The following DACH1 variants were observed in gnomAD, a reference collection of about 807,000 sequenced individuals.
DACH1 encodes dachshund family transcription factor 1.
In DACH1, 12 loss-of-function variants were observed where a neutral mutation model predicts 54.2. The ratio of observed to expected loss-of-function variants is 0.22; its 90% confidence interval spans 0.14 to 0.36. The LOEUF is 0.36. DACH1 is among the 10% of genes least tolerant of loss of function. The pLI is 1.00. For synonymous variants in DACH1, 386 were observed against 366.2 expected, an observed-to-expected ratio of 1.05 and a Z score of -0.62; for missense variants, 805 against 929.8, an observed-to-expected ratio of 0.87 and a Z score of 1.75.
At chr13:71,466,290 T>G (rs866777936) in intron 10 of DACH1, among the ~76,000 whole-genome samples, 3 of 152,192 alleles carry the variant, frequency 2.0e-5, no homozygotes, top group Non-Finnish European at 4.4e-5. Flanking sequence ...AGATACTATT[T>G]AAGCCCAACC....
At chr13:71,704,412 TA>T in intron 1 of DACH1, 2 of 398,676 alleles carry the variant, frequency 5.0e-6, no homozygotes, top group East Asian at 6.3e-5. Flanking sequence ...TTAAACAAGT[TA>T]AGGGCAAGCT....
At chr13:71,713,852 A>G (rs774174460) in intron 1 of DACH1, among the ~76,000 whole-genome samples, 1 of 152,108 alleles carries the variant, frequency 6.6e-6, no homozygotes, top group Non-Finnish European at 1.5e-5. Flanking sequence ...CAGAAAAATT[A>G]GACAAATATA....
At chr13:71,829,586 T>G (rs1048621759) in intron 1 of DACH1, among the ~76,000 whole-genome samples, 4 of 151,952 alleles carry the variant, frequency 2.6e-5, no homozygotes. Context: ...TGCTCATCCA[T>G]TATCTCCAAG....
intron 3 of DACH1, among the ~76,000 whole-genome samples, chr13:71,622,290 T>C (rs1876304521): frequency 6.6e-6 from 1 of 151,990 alleles, no homozygotes; most frequent in African/African-American, 2.4e-5. Flanking sequence ...GTTATAAGCT[T>C]GTGTGCACAC....
intron 3 of DACH1, among the ~76,000 whole-genome samples, chr13:71,610,545 GACATACATATGCACAT>G (rs1875247484): frequency 6.6e-6 from 1 of 152,040 alleles, no homozygotes; most frequent in South Asian, 2.1e-4. Context: ...AAATCACAGA[GACATACATATGCACAT>G]ACATAGGCAC....
rs151098281 is a variant in DACH1, at chr13:71,660,438, G to A, written c.964+21357C>T. The stretch of plus-strand genomic sequence containing the variant: ...AAAATATGTTTGGTAATAACTTTAG[G>A]GTTATAATACAACACAAAATCATTC... On this transcript the variant is annotated intron_variant, in intron 2 of 10. Transcript: ENST00000613252. Among the ~76,000 whole-genome samples, 739 of 151,814 alleles carry A rather than the reference G, an allele frequency of 4.9e-3. 4 individuals carry two copies. Among genetic ancestry groups the A allele is most frequent in the Non-Finnish European group, 7.6e-3 (513 of 67,878 alleles).
chr13:71,444,179 T>G (rs1010801526), intron 10 of DACH1, among the ~76,000 whole-genome samples: 1 of 152,178 alleles, frequency 6.6e-6, no homozygotes, highest in Non-Finnish European at 1.5e-5. Context: ...TGGACTGTTC[T>G]AAAGATAATT....
intron 1 of DACH1, among the ~76,000 whole-genome samples, chr13:71,841,366 G>A (rs1427588468): frequency 1.3e-5 from 2 of 151,874 alleles, no homozygotes; most frequent in African/African-American, 4.8e-5. Context: ...GGGAGAGCGG[G>A]GAGGGAGGAG....
intron 7 of DACH1, among the ~76,000 whole-genome samples, chr13:71,488,378 T>C (rs548069464): frequency 2.7e-4 from 41 of 152,308 alleles, no homozygotes; most frequent in African/African-American, 9.6e-4. Context: ...CCACACTCTA[T>C]GTTATTGTTA....
chr13:71,751,592 G>A (rs1240424525), intron 1 of DACH1, among the ~76,000 whole-genome samples: 1 of 152,120 alleles, frequency 6.6e-6, no homozygotes, highest in Non-Finnish European at 1.5e-5. Flanking sequence ...CCTCTAGCAT[G>A]TCCTGATGTA....
intron 1 of DACH1, among the ~76,000 whole-genome samples, chr13:71,734,861 T>C (rs1883932717): frequency 6.8e-6 from 1 of 147,084 alleles, no homozygotes. Context: ...ATATCCCATA[T>C]ACGTATACCC....
intron 6 of DACH1, among the ~76,000 whole-genome samples, chr13:71,504,386 T>C (rs565839081): frequency 1.5e-3 from 229 of 152,328 alleles, no homozygotes; most frequent in South Asian, 0.012. Flanking sequence ...TTGTATTCTA[T>C]ATGTGTAATA....
intron 2 of DACH1, among the ~76,000 whole-genome samples, chr13:71,640,295 A>G (rs544131919): frequency 3.3e-5 from 5 of 152,172 alleles, no homozygotes; most frequent in African/African-American, 1.2e-4. Flanking sequence ...GACTCCACTT[A>G]GAAATCTGAT....
intron 3 of DACH1, among the ~76,000 whole-genome samples, chr13:71,604,853 A>G (rs192772383): frequency 9.9e-5 from 15 of 152,034 alleles, no homozygotes; most frequent in South Asian, 8.3e-4. Context: ...TCTCTCTTGC[A>G]TATCAGTAAT....
At chr13:71,828,151 T>C (rs933281388) in intron 1 of DACH1, among the ~76,000 whole-genome samples, 31 of 152,132 alleles carry the variant, frequency 2.0e-4, no homozygotes, top group Middle Eastern at 3.4e-3. Context: ...AAGATTTATA[T>C]ATAAATTAGC....
chr13:71,637,238 C>T (rs2138586770), intron 2 of DACH1, among the ~76,000 whole-genome samples: 1 of 152,202 alleles, frequency 6.6e-6, no homozygotes, highest in East Asian at 1.9e-4. Context: ...AGAGGGATAA[C>T]AATTCTGACC....
chr13:71,850,110 G>A (rs2138261621), intron 1 of DACH1, among the ~76,000 whole-genome samples: 1 of 152,270 alleles, frequency 6.6e-6, no homozygotes, highest in South Asian at 2.1e-4. Context: ...ATATGTTGGG[G>A]AAGGATCTAC....
At chr13:71,577,070 G>A (rs759517582) in intron 3 of DACH1, among the ~76,000 whole-genome samples, 3 of 152,040 alleles carry the variant, frequency 2.0e-5, no homozygotes, top group Non-Finnish European at 4.4e-5. Context: ...AACTGCACAA[G>A]TCCCTCACAG....
intron 6 of DACH1, among the ~76,000 whole-genome samples, chr13:71,534,190 C>G (rs1259064335): frequency 2.0e-5 from 3 of 151,948 alleles, no homozygotes; most frequent in African/African-American, 7.2e-5. Flanking sequence ...GAAATGTTCT[C>G]TCAATGTGAG....
Sources: allele counts gnomAD v4.1 joint callset (sites outside exome capture counted in the v4.1 genomes callset), GRCh38; gene constraint gnomAD v4.1.1; transcripts MANE v1.5; gene names NCBI Gene and HGNC (gene_info 2026-07-23, HGNC 2026-07-21).